The following ADGRL3 variants were observed in gnomAD, a reference collection of about 807,000 sequenced individuals.
ADGRL3 encodes the protein calcium-independent alpha-latrotoxin receptor 3.
ADGRL3 carries 62 observed loss-of-function variants against 153.5 expected under a neutral mutation model. The observed-to-expected ratio is 0.40, with a 90% confidence interval of 0.33 to 0.50. The LOEUF (loss-of-function observed/expected upper bound fraction) is 0.50. Ranked by LOEUF, ADGRL3 falls within the 20% of genes least tolerant of loss-of-function variation. The pLI is 0.47. For synonymous variants in ADGRL3, 710 were observed against 672.5 expected, an observed-to-expected ratio of 1.06 and a Z score of -0.86; for missense variants, 1,641 against 1,859.4, an observed-to-expected ratio of 0.88 and a Z score of 2.16.
chr4:61,517,138 G>T (rs1356584975), intron 3 of ADGRL3, among the ~76,000 whole-genome samples, 177 bp from the exon 4 acceptor site: 2 of 151,674 alleles, frequency 1.3e-5, no homozygotes, highest in African/African-American at 4.8e-5. Flanking sequence ...TATACTAGGG[G>T]CCAGGAGATG....
At chr4:61,700,632 C>G (rs2095740037) in intron 6 of ADGRL3, among the ~76,000 whole-genome samples, 1 of 152,068 alleles carries the variant, frequency 6.6e-6, no homozygotes, top group Non-Finnish European at 1.5e-5. Flanking sequence ...CAGAAACTAG[C>G]AAATTCTTGA....
chr4:61,232,717 G>T (rs1455106275), intron 1 of ADGRL3, among the ~76,000 whole-genome samples: 1 of 152,098 alleles, frequency 6.6e-6, no homozygotes, highest in Non-Finnish European at 1.5e-5. Context: ...ATTAAGACAT[G>T]TCAGGTAAGA....
At chr4:62,002,843 AT>A (rs1281709920) in intron 21 of ADGRL3, among the ~76,000 whole-genome samples, 2 of 152,114 alleles carry the variant, frequency 1.3e-5, no homozygotes, top group Non-Finnish European at 2.9e-5. Flanking sequence ...TAAAAATAGT[AT>A]ATGTAAATAT....
chr4:61,434,246 A>G (rs190922758), intron 2 of ADGRL3, among the ~76,000 whole-genome samples: 2 of 152,244 alleles, frequency 1.3e-5, no homozygotes, highest in East Asian at 1.9e-4. Context: ...AAATGATACT[A>G]TGATAATGAG....
At chr4:61,726,056 C>T (rs2096330268) in intron 6 of ADGRL3, among the ~76,000 whole-genome samples, 1 of 151,916 alleles carries the variant, frequency 6.6e-6, no homozygotes, top group South Asian at 2.1e-4. Flanking sequence ...ATCCCTTATC[C>T]AAAATTCTTG....
chr4:61,689,416 C>G (rs1318951183), intron 6 of ADGRL3, among the ~76,000 whole-genome samples: 1 of 152,122 alleles, frequency 6.6e-6, no homozygotes, highest in African/African-American at 2.4e-5. Context: ...ATAAAACAAT[C>G]TAAACCATCT....
intron 8 of ADGRL3, among the ~76,000 whole-genome samples, chr4:61,743,252 G>A (rs1292988843): frequency 9.3e-5 from 14 of 149,758 alleles, no homozygotes; most frequent in African/African-American, 2.2e-4. Context: ...CCCAGGAGGC[G>A]GAGCTTGCAG....
At chr4:61,456,447 C>CTA (rs1210925932) in intron 2 of ADGRL3, among the ~76,000 whole-genome samples, 2 of 102,510 alleles carry the variant, frequency 2.0e-5, no homozygotes, top group African/African-American at 7.7e-5. Flanking sequence ...ATAGATATAT[C>CTA]TATATCTATA....
intron 4 of ADGRL3, among the ~76,000 whole-genome samples, chr4:61,527,446 CTAT>C (rs1423022570): frequency 2.0e-5 from 3 of 152,024 alleles, no homozygotes; most frequent in African/African-American, 7.2e-5. Flanking sequence ...TGTGTGAAAC[CTAT>C]TATTGTATTT....
At chr4:61,285,077 A>C (rs1000333783) in intron 1 of ADGRL3, among the ~76,000 whole-genome samples, 2 of 151,806 alleles carry the variant, frequency 1.3e-5, no homozygotes, top group East Asian at 3.9e-4. Flanking sequence ...ATAATGAGAG[A>C]GAAACTACTT....
At chr4:61,810,300 A>C (rs1034241103) in intron 8 of ADGRL3, among the ~76,000 whole-genome samples, 6 of 152,134 alleles carry the variant, frequency 3.9e-5, no homozygotes, top group Non-Finnish European at 7.4e-5. Flanking sequence ...TCTGCTTTCT[A>C]ACCAGCCTCT....
intron 17 of ADGRL3, among the ~76,000 whole-genome samples, chr4:61,971,385 T>C (rs1263043506): frequency 3.9e-5 from 6 of 151,964 alleles, no homozygotes; most frequent in South Asian, 2.1e-4. Flanking sequence ...TCAATTCCCA[T>C]CTATGAGTGA....
intron 13 of ADGRL3, among the ~76,000 whole-genome samples, chr4:61,931,570 C>G (rs953787727): frequency 1.3e-5 from 2 of 152,112 alleles, no homozygotes; most frequent in Non-Finnish European, 2.9e-5. Context: ...TTCCAAATCC[C>G]ACACTCTGAT....
At chr4:62,007,100 C>A (rs1352697330) in intron 21 of ADGRL3, among the ~76,000 whole-genome samples, 1 of 151,706 alleles carries the variant, frequency 6.6e-6, no homozygotes, top group Non-Finnish European at 1.5e-5. Context: ...TCATTATATC[C>A]TTTCTTGGTT....
intron 1 of ADGRL3, among the ~76,000 whole-genome samples, chr4:61,247,113 T>A (rs1757404569): frequency 1.3e-5 from 2 of 152,236 alleles, no homozygotes; most frequent in South Asian, 4.1e-4. Flanking sequence ...GCCATGAGCA[T>A]ATTGGCTTTC....
chr4:61,579,255 A>T (rs964278273), intron 4 of ADGRL3, among the ~76,000 whole-genome samples: 2 of 152,090 alleles, frequency 1.3e-5, no homozygotes, highest in East Asian at 1.9e-4. Context: ...GGCATATTTT[A>T]AAAAATTTCT....
intron 25 of ADGRL3, among the ~76,000 whole-genome samples, chr4:62,065,845 G>A (rs1174730738): frequency 6.6e-6 from 1 of 151,884 alleles, no homozygotes; most frequent in Non-Finnish European, 1.5e-5. Flanking sequence ...TCAAACTGCA[G>A]TTCTCACAAT....
At chr4:61,217,998 G>C (rs1560362856) in intron 1 of ADGRL3, among the ~76,000 whole-genome samples, 1 of 152,148 alleles carries the variant, frequency 6.6e-6, no homozygotes, top group South Asian at 2.1e-4. Flanking sequence ...AAAGACAGTA[G>C]ACTTTGTCTT....
At position 61,754,143 on chromosome 4, in the gene ADGRL3, A is replaced by T. The variant is rs549973703; in HGVS notation, c.1399+20589A>T. 2.8e-3 allele frequency among the ~76,000 whole-genome samples: 432 copies of T among 152,314 alleles called. 4 individuals are homozygous for T. Among genetic ancestry groups the T allele is most frequent in the Admixed American group, 3.7e-3 (57 of 15,290 alleles). ...CATGAAATCAAATTTAGTTCCTTAA[A>T]ACTTTCTAGTCATATCTGATTCTAT... On this transcript the variant is annotated intron_variant, in intron 8 of 26. Coordinates refer to ENST00000683033, the MANE Select transcript of ADGRL3 (RefSeq NM_001387552.1).
Sources: allele counts gnomAD v4.1 joint callset (sites outside exome capture counted in the v4.1 genomes callset), GRCh38; gene constraint gnomAD v4.1.1; transcripts MANE v1.5; gene names NCBI Gene and HGNC (gene_info 2026-07-23, HGNC 2026-07-21).